ATP2C1: variants seen among roughly 807,000 people sequenced by gnomAD.
ATP2C1 encodes ATPase secretory pathway Ca2+ transporting 1.
Under a neutral mutation model 120.5 loss-of-function variants are expected in ATP2C1, and 31 were observed. The observed-to-expected ratio is 0.26, with a 90% CI of 0.19 to 0.35. ATP2C1 has a LOEUF of 0.35. Ranked by LOEUF, ATP2C1 falls within the 10% of genes least tolerant of loss-of-function variation. The pLI, the probability that ATP2C1 is intolerant of heterozygous loss-of-function variation, is 1.00. For synonymous variants in ATP2C1, 351 were observed against 358.7 expected, an observed-to-expected ratio of 0.98 and a Z score of 0.24; for missense variants, 731 against 1,107.5, an observed-to-expected ratio of 0.66 and a Z score of 4.83.
chr3:131,003,460 T>C (rs1458701202), downstream of ATP2C1, among the ~76,000 whole-genome samples: 2 of 152,192 alleles, frequency 1.3e-5, no homozygotes, highest in African/African-American at 4.8e-5. Flanking sequence ...GACTACCTTA[T>C]GGAGTTATTT....
At chr3:130,930,673 G>T in intron 3 of ATP2C1, 147 bp downstream of exon 3, 1 of 698,190 alleles carries the variant, frequency 1.4e-6, no homozygotes, top group Non-Finnish European at 2.7e-6. Context: ...AGTTGAACAG[G>T]ACTGTTGAGC....
intron 20 of ATP2C1, among the ~76,000 whole-genome samples, chr3:130,989,592 C>T (rs552920873): frequency 3.8e-4 from 58 of 151,344 alleles, no homozygotes; most frequent in African/African-American, 1.4e-3. Flanking sequence ...AACACAAACC[C>T]TAAAGAACAT....
intron 7 of ATP2C1, among the ~76,000 whole-genome samples, chr3:130,941,036 T>C (rs2059876753): frequency 1.4e-5 from 2 of 143,146 alleles, no homozygotes. Context: ...TGCCTCAGCC[T>C]CCTGAGTAGC....
At chr3:130,968,663 T>C (rs939367789) in intron 16 of ATP2C1, among the ~76,000 whole-genome samples, 1 of 152,222 alleles carries the variant, frequency 6.6e-6, no homozygotes, top group African/African-American at 2.4e-5. Context: ...GGAGAACCTT[T>C]AAGGCCAAGA....
At chr3:130,963,823 A>C in intron 12 of ATP2C1, 148 bp from the exon 13 acceptor site, 4 of 954,746 alleles carry the variant, frequency 4.2e-6, no homozygotes, top group Non-Finnish European at 6.3e-6. Flanking sequence ...AGTAAATGTT[A>C]ACTTTCTCTT....
intron 26 of ATP2C1, chr3:131,015,856 A>T: frequency 2.0e-6 from 1 of 488,658 alleles, no homozygotes; most frequent in Non-Finnish European, 3.7e-6. Context: ...TATCCTACCA[A>T]TGATTGCCTC....
chr3:130,882,439 G>T (rs1374987788), intron 1 of ATP2C1, among the ~76,000 whole-genome samples: 2 of 152,046 alleles, frequency 1.3e-5, no homozygotes, highest in African/African-American at 4.8e-5. Context: ...GACCTCAAGT[G>T]ATCTGCTTGT....
intron 1 of ATP2C1, among the ~76,000 whole-genome samples, chr3:130,880,378 A>T (rs773899533): frequency 1.3e-5 from 2 of 152,148 alleles, no homozygotes; most frequent in Non-Finnish European, 1.5e-5. Context: ...AGGAAGTTTT[A>T]CCCCTCCAAA....
downstream of ATP2C1, among the ~76,000 whole-genome samples, chr3:131,007,530 C>T (rs2063161534): frequency 6.6e-6 from 1 of 152,202 alleles, no homozygotes; most frequent in Non-Finnish European, 1.5e-5. Flanking sequence ...GTTATGAGCA[C>T]TCAATGCCAG....
intron 11 of ATP2C1, among the ~76,000 whole-genome samples, chr3:130,957,868 A>G (rs75425033): frequency 0.011 from 1,642 of 152,330 alleles, 23 homozygotes; most frequent in East Asian, 0.076. Context: ...TGTTAATACA[A>G]TATTAGTTGA....
downstream of ATP2C1, among the ~76,000 whole-genome samples, chr3:131,006,095 G>C (rs2063099344): frequency 6.6e-6 from 1 of 152,168 alleles, no homozygotes; most frequent in South Asian, 2.1e-4. Context: ...CAGAAGAGTA[G>C]AAAACAATGT....
intron 1 of ATP2C1, among the ~76,000 whole-genome samples, chr3:130,867,736 T>C (rs1483460087): frequency 1.8e-5 from 2 of 111,832 alleles, no homozygotes; most frequent in Non-Finnish European, 3.8e-5. Context: ...GAGGAGCGTC[T>C]CTGCTTGGCC....
chr3:130,995,472 T>G (rs1308173697), intron 22 of ATP2C1, among the ~76,000 whole-genome samples: 1 of 152,144 alleles, frequency 6.6e-6, no homozygotes, highest in Non-Finnish European at 1.5e-5. Flanking sequence ...TATTTTCTCT[T>G]GTGTGAAGAG....
chr3:130,864,956 G>A (rs530752926), intron 1 of ATP2C1, among the ~76,000 whole-genome samples: 1 of 152,312 alleles, frequency 6.6e-6, no homozygotes, highest in South Asian at 2.1e-4. Context: ...TAGTGGAGCT[G>A]TGAGAAGAGG....
rs190469322 is a variant in ATP2C1 at position 130,993,104 on chromosome 3, A to G, written c.1890+103A>G. On this transcript the variant is annotated intron_variant, in intron 21 of 27. Transcript: ENST00000510168. ...AGGGAGTAGAGCATCAAGGTCAGAAATACTGTGAAGCAAAACAGTTTTTTT... is the reference window on the plus strand; with the variant it reads ...AGGGAGTAGAGCATCAAGGTCAGAAGTACTGTGAAGCAAAACAGTTTTTTT... 38 of 1,005,342 alleles carry G rather than the reference A, an allele frequency of 3.8e-5. No homozygotes were observed. In the African/African-American group the frequency reaches 5.6e-4, roughly 15 times the overall value. The allele number at this position is 1,005,342 out of a possible 1,614,324, so 62.3% of individuals were successfully genotyped here.
chr3:130,887,872 T>C (rs2069030056), intron 1 of ATP2C1, among the ~76,000 whole-genome samples: 1 of 152,118 alleles, frequency 6.6e-6, no homozygotes. Flanking sequence ...CTCTTTACTT[T>C]CCCCTCTGCT....
At chr3:130,950,639 C>T (rs1476356838) in intron 8 of ATP2C1, among the ~76,000 whole-genome samples, 2 of 152,074 alleles carry the variant, frequency 1.3e-5, no homozygotes, top group African/African-American at 4.8e-5. Flanking sequence ...GAAATCTTTG[C>T]AGATTGGGAC....
intron 2 of ATP2C1, among the ~76,000 whole-genome samples, chr3:130,917,047 A>T (rs185733231): frequency 1.4e-4 from 22 of 152,348 alleles, no homozygotes; most frequent in African/African-American, 5.3e-4. Context: ...AAAGCAGTAG[A>T]CATTCAGTAG....
At chr3:131,016,089 A>G (rs1215279202) in intron 26 of ATP2C1, 7 of 1,580,902 alleles carry the variant, frequency 4.4e-6, no homozygotes, top group South Asian at 1.1e-5. Context: ...AAGTGAAAAT[A>G]CTGTATTTAC....
Sources: allele counts gnomAD v4.1 joint callset (sites outside exome capture counted in the v4.1 genomes callset), GRCh38; gene constraint gnomAD v4.1.1; transcripts MANE v1.5; gene names NCBI Gene and HGNC (gene_info 2026-07-23, HGNC 2026-07-21).